UGGT2: variants seen among roughly 807,000 people sequenced by gnomAD.
UGGT2 encodes the protein UDP-glucose glycoprotein glucosyltransferase 2.
UGGT2 carries 180 observed loss-of-function variants against 192.1 expected under a neutral mutation model. The ratio of observed to expected loss-of-function variants is 0.94; its 90% CI spans 0.83 to 1.06. The LOEUF is 1.06. Among genes scored for constraint, UGGT2 ranks in the 50% least tolerant of loss-of-function variants. The probability of loss-of-function intolerance (pLI) is 0.00; values close to 1 mark genes in which losing one functional copy is unlikely to be tolerated. For missense variants in UGGT2, 1,849 were observed against 1,795.7 expected (o/e 1.03, Z -0.54); for synonymous variants, 580 against 591.0 (o/e 0.98, Z 0.27).
intron 17 of UGGT2, among the ~76,000 whole-genome samples, chr13:95,934,974 T>G (rs1398055305): frequency 6.6e-6 from 1 of 152,246 alleles, no homozygotes; most frequent in Non-Finnish European, 1.5e-5. Context: ...TTTGGGACAC[T>G]TAAGTCTTCT....
chr13:95,826,529 A>C (rs1203680414), intron 38 of UGGT2, among the ~76,000 whole-genome samples: 2 of 152,150 alleles, frequency 1.3e-5, no homozygotes, highest in East Asian at 3.8e-4. Context: ...GATCATGGGA[A>C]ATAAAGATCC....
At chr13:96,003,809 C>A (rs935732382) in intron 5 of UGGT2, among the ~76,000 whole-genome samples, 1 of 152,004 alleles carries the variant, frequency 6.6e-6, no homozygotes, top group Non-Finnish European at 1.5e-5. Flanking sequence ...AAAAGTGCCC[C>A]GACTGTCAAC....
intron 4 of UGGT2, 67 bp from the exon 5 acceptor site, chr13:96,013,548 A>C (rs1445821955): frequency 5.6e-6 from 6 of 1,076,792 alleles, no homozygotes; most frequent in Non-Finnish European, 7.5e-6. Context: ...ATTCTGTATA[A>C]TTACTGCTTA....
intron 10 of UGGT2, among the ~76,000 whole-genome samples, chr13:95,979,448 CA>C (rs1370520185): frequency 1.3e-5 from 2 of 149,764 alleles, no homozygotes; most frequent in African/African-American, 4.9e-5. Context: ...CTCTTATAGG[CA>C]AAATTTTCTC....
intron 20 of UGGT2, among the ~76,000 whole-genome samples, chr13:95,913,142 A>T (rs1325889881): frequency 6.6e-6 from 1 of 152,242 alleles, no homozygotes; most frequent in Non-Finnish European, 1.5e-5. Flanking sequence ...CCCCTAGAAG[A>T]AAACCTAGGC....
At chr13:95,832,117 C>T (rs914060141) in intron 38 of UGGT2, among the ~76,000 whole-genome samples, 3 of 150,214 alleles carry the variant, frequency 2.0e-5, no homozygotes, top group Non-Finnish European at 3.0e-5. Flanking sequence ...ATAATCATTT[C>T]GGCTTCCCTA....
chr13:96,024,492 T>A (rs547079143), intron 2 of UGGT2, among the ~76,000 whole-genome samples: 46 of 152,324 alleles, frequency 3.0e-4, no homozygotes, highest in African/African-American at 1.1e-3. Flanking sequence ...GGCAGAACTT[T>A]CTGTCTGTGC....
At chr13:95,884,086 A>AAC (rs71113959) in intron 27 of UGGT2, among the ~76,000 whole-genome samples, 1 of 148,698 alleles carries the variant, frequency 6.7e-6, no homozygotes, top group African/African-American at 2.5e-5. Context: ...AAAAAAAAAA[A>AAC]CCAACAACAA....
chr13:95,923,325 C>G lies in UGGT2; in HGVS notation c.2295+2355G>C, dbSNP rs542719354. On this transcript the variant is annotated intron_variant, in intron 20 of 38. Coordinates refer to ENST00000376747, the MANE Select transcript of UGGT2 (RefSeq NM_020121.4). ...CTTCCCATCTCAGCCACGTGATTAG[C>G]TGGGATTACAGGCACGAGCCACCAT... Among the ~76,000 whole-genome samples the G allele has an allele frequency of 1.4e-3, 215 of 151,232 alleles. 2 individuals carry two copies. The highest frequency in any genetic ancestry group is 4.9e-3 in the Admixed American group (75 of 15,174).
chr13:95,831,999 T>C (rs1886749394), intron 38 of UGGT2, among the ~76,000 whole-genome samples: 2 of 151,846 alleles, frequency 1.3e-5, no homozygotes, highest in African/African-American at 4.8e-5. Flanking sequence ...GTGTGTATAA[T>C]GAACTTTTTG....
chr13:95,832,563 T>G, intron 38 of UGGT2: 3 of 328,202 alleles, frequency 9.1e-6, no homozygotes, highest in Non-Finnish European at 1.8e-5. Flanking sequence ...GTTAGCTATG[T>G]AAAGCTTTTA....
chr13:95,856,221 A>G lies in UGGT2; in HGVS notation c.3945T>C (p.Ile1315=). 1.2e-6 allele frequency: 2 copies of G among 1,613,618 alleles called. No homozygotes were observed. The highest frequency in any genetic ancestry group is 1.7e-6 in the Non-Finnish European group (2 of 1,179,774). ...GTGGGAAAAGAACATCAAGGAAAAG[A>G]ATTTTGTAACCCCAAATAATCCTCT... ...ERQRIIWGYK[I]LFLDVLFPLA... Residue 1315 remains isoleucine (I), a synonymous_variant, in exon 34 of 39, where the codon ATT becomes ATC. Transcript: ENST00000376747.
At chr13:96,018,093 A>G in intron 4 of UGGT2, among the ~76,000 whole-genome samples, 1 of 152,344 alleles carries the variant, frequency 6.6e-6, no homozygotes, top group East Asian at 1.9e-4. Flanking sequence ...GTCAACTACC[A>G]CTTAGAACAA....
chr13:95,883,998 A>C (rs908471396), intron 27 of UGGT2, among the ~76,000 whole-genome samples: 5 of 140,480 alleles, frequency 3.6e-5, no homozygotes, highest in African/African-American at 5.2e-5. Context: ...GTATACCGCA[A>C]ATTTTGTTTC....
rs568399849 is a variant in UGGT2 at position 95,811,003 on chromosome 13, G to C, written c.4529-9191C>G. On this transcript the variant is annotated intron_variant, in intron 38 of 38. Coordinates refer to ENST00000376747, the MANE Select transcript of UGGT2 (RefSeq NM_020121.4). ...CAGACTGCCAATAAGCACACAATAAGATGGTGAACATCATTTGCCATCAGG... is the reference window on the plus strand; with the variant it reads ...CAGACTGCCAATAAGCACACAATAACATGGTGAACATCATTTGCCATCAGG... 6.6e-5 allele frequency among the ~76,000 whole-genome samples: 10 copies of C among 152,242 alleles called. No individual in the cohort carries two copies. In the South Asian group the frequency reaches 1.5e-3, roughly 22 times the overall value.
At chr13:95,915,851 G>A (rs1209693570) in intron 20 of UGGT2, among the ~76,000 whole-genome samples, 4 of 152,196 alleles carry the variant, frequency 2.6e-5, no homozygotes, top group African/African-American at 9.6e-5. Flanking sequence ...CCTCCCTGCA[G>A]AGGCTTCAGC....
In UGGT2 at chr13:95,974,918, T is replaced by C. The variant is rs150257942; in HGVS notation, c.1093-2247A>G. Among the ~76,000 whole-genome samples, 1,407 of 151,998 alleles carry C rather than the reference T, an allele frequency of 9.3e-3. 23 individuals carry two copies. Among genetic ancestry groups the C allele is most frequent in the African/African-American group, 0.032 (1,342 of 41,470 alleles). On this transcript the variant is annotated intron_variant, in intron 10 of 38. Transcript: ENST00000376747. ...CCAACATGGTGAAACCCTGTTTCTA[T>C]CAAAAATAGAAAAATTAGCTGGGTG...
rs1214620222 is a variant in UGGT2, at chr13:95,902,857, A to G, written c.2499T>C (p.Ile833=). ...AATATTTCAAATAGCTACTGACCTC[A>G]ATAAGGAATGTTTTAATTTTATCTC... ...YSGDKIKTFL[I]EGMDKNAFEK... is the part of the protein sequence containing the mutation. The change falls in exon 21 of 39, where the codon ATT becomes ATC. Residue 833 remains isoleucine, a synonymous_variant. Transcript: ENST00000376747. 1 of 1,612,178 alleles carries G rather than the reference A, an allele frequency of 6.2e-7. No homozygotes were observed. Among genetic ancestry groups the G allele is most frequent in the Non-Finnish European group, 8.5e-7 (1 of 1,179,132 alleles).
Position 95,998,120 on chromosome 13 carries a change from TAC to T in UGGT2, c.757+1089_757+1090del, listed in dbSNP as rs1207907501. Among the ~76,000 whole-genome samples the T allele has an allele frequency of 3.9e-5, 6 of 152,210 alleles. No individual in the cohort carries two copies. In the East Asian group the frequency reaches 7.7e-4, roughly 20 times the overall value. On this transcript the variant is annotated intron_variant, in intron 6 of 38. Transcript: ENST00000376747. ...GCTAGTTAAAGGTCTGATACATGTATACAGAGAAAAAAAGAACTGCACTAAGG... is the reference window on the plus strand; with the variant it reads ...GCTAGTTAAAGGTCTGATACATGTATAGAGAAAAAAAGAACTGCACTAAGG...
Sources: gnomAD v4.1 joint callset for allele counts (sites outside exome capture counted in the v4.1 genomes callset) on GRCh38, gnomAD v4.1.1 for gene constraint, MANE v1.5 for transcripts, NCBI Gene and HGNC (gene_info 2026-07-23, HGNC 2026-07-21) for gene names.